NRXN1: variants seen among roughly 807,000 people sequenced by gnomAD.
The protein encoded by NRXN1 is neurexin-1.
NRXN1 carries 39 observed loss-of-function variants against 150.9 expected under a neutral mutation model. The observed-to-expected ratio is 0.26, with a 90% confidence interval of 0.20 to 0.34. NRXN1 has a LOEUF of 0.34. NRXN1 is among the 10% of genes least tolerant of loss of function. NRXN1 has a pLI of 1.00. For synonymous variants in NRXN1, 924 were observed against 757.0 expected, an observed-to-expected ratio of 1.22 and a Z score of -3.62; for missense variants, 1,815 against 1,949.9, an observed-to-expected ratio of 0.93 and a Z score of 1.30.
At chr2:50,811,314 T>C (rs1015500660) in intron 5 of NRXN1, among the ~76,000 whole-genome samples, 3 of 152,146 alleles carry the variant, frequency 2.0e-5, no homozygotes, top group South Asian at 2.1e-4. Context: ...TTTTATCCTA[T>C]TGAAATCATG....
intron 18 of NRXN1, among the ~76,000 whole-genome samples, chr2:50,135,817 G>A (rs1000674298): frequency 6.6e-6 from 1 of 152,198 alleles, no homozygotes; most frequent in African/African-American, 2.4e-5. Flanking sequence ...AGGAGAGAAG[G>A]ATTCGCTAAT....
At chr2:50,622,825 T>G (rs868370865) in intron 6 of NRXN1, among the ~76,000 whole-genome samples, 1 of 152,204 alleles carries the variant, frequency 6.6e-6, no homozygotes, top group African/African-American at 2.4e-5. Flanking sequence ...CCTAAAGAAA[T>G]TTTTCCCCTC....
rs965592793 is a variant in NRXN1, at chr2:50,917,755, C to T, written c.832+4114G>A. 7 of 151,632 alleles carry T rather than the reference C, an allele frequency of 4.6e-5. No homozygotes were observed. The East Asian group carries it at 9.7e-4, about 21-fold the overall frequency. The allele number at this position is 151,632 out of a possible 1,614,324, so 9.4% of individuals were successfully genotyped here. On this transcript the variant is annotated intron_variant, in intron 5 of 22. Coordinates refer to ENST00000401669, the MANE Select transcript of NRXN1 (RefSeq NM_001330078.2). ...TGTCAGCCCTTGGTCTTGGACTTCCCAGCCTCCAGACGTTTGAGAAATAAG... is the reference window on the plus strand; with the variant it reads ...TGTCAGCCCTTGGTCTTGGACTTCCTAGCCTCCAGACGTTTGAGAAATAAG...
At chr2:50,512,694 C>A (rs1315038913) in intron 12 of NRXN1, among the ~76,000 whole-genome samples, 2 of 152,138 alleles carry the variant, frequency 1.3e-5, no homozygotes, top group African/African-American at 4.8e-5. Flanking sequence ...ACCTAATTGT[C>A]TGGCCAAAGT....
chr2:50,906,068 T>C (rs1683627241), intron 5 of NRXN1, among the ~76,000 whole-genome samples: 1 of 152,102 alleles, frequency 6.6e-6, no homozygotes, highest in Admixed American at 6.6e-5. Flanking sequence ...TGGATTCAGA[T>C]TGATGTGGCA....
chr2:51,028,131 G>A lies in NRXN1; in HGVS notation c.143C>T (p.Ala48Val), dbSNP rs1202743952. 11 of 1,564,214 alleles carry A rather than the reference G, an allele frequency of 7.0e-6. No individual in the cohort carries two copies. The highest frequency in any genetic ancestry group is 8.6e-6 in the Non-Finnish European group (10 of 1,157,702). The stretch of plus-strand genomic sequence containing the variant: ...GAAGCTCATCTCGCTCTCGCAGCAG[G>A]CGTTCCACTTGGGGAAGCGCGTCCA... ...GQWTRFPKWN[A>V]CCESEMSFQL... Residue 48 changes from alanine (A) to valine (V), a missense_variant, in exon 2 of 23, where the codon GCC (alanine) becomes GTC (valine). This residue lies in a region of NRXN1 where 554 missense variants were observed against 478.8 expected (regional missense o/e 1.16). Coordinates refer to ENST00000401669, the MANE Select transcript of NRXN1 (RefSeq NM_001330078.2).
At chr2:50,807,269 C>T (rs1667627840) in intron 5 of NRXN1, among the ~76,000 whole-genome samples, 1 of 151,946 alleles carries the variant, frequency 6.6e-6, no homozygotes, top group African/African-American at 2.4e-5. Context: ...TAATTATGAC[C>T]AGGGACAAGT....
At chr2:50,532,396 C>T (rs1391833886) in intron 10 of NRXN1, among the ~76,000 whole-genome samples, 1 of 151,362 alleles carries the variant, frequency 6.6e-6, no homozygotes, top group Non-Finnish European at 1.5e-5. Flanking sequence ...GGAACTAGGC[C>T]AATACTTTAC....
At chr2:50,693,710 C>A (rs547693798) in intron 5 of NRXN1, among the ~76,000 whole-genome samples, 3 of 152,166 alleles carry the variant, frequency 2.0e-5, no homozygotes, top group Non-Finnish European at 4.4e-5. Flanking sequence ...ACTAACTCAA[C>A]TTCAGAAAGT....
chr2:50,865,873 G>A (rs1676867922), intron 5 of NRXN1, among the ~76,000 whole-genome samples: 1 of 150,562 alleles, frequency 6.6e-6, no homozygotes, highest in Non-Finnish European at 1.5e-5. Flanking sequence ...CTGAGAAGGG[G>A]ATCTTACAGA....
At chr2:50,331,498 A>G (rs2076834223) in intron 17 of NRXN1, among the ~76,000 whole-genome samples, 1 of 152,162 alleles carries the variant, frequency 6.6e-6, no homozygotes, top group Admixed American at 6.5e-5. Context: ...GGGATGTTCT[A>G]TTCCATCAAA....
intron 2 of NRXN1, among the ~76,000 whole-genome samples, chr2:51,018,382 G>A (rs377254007): frequency 6.6e-6 from 1 of 152,032 alleles, no homozygotes; most frequent in African/African-American, 2.4e-5. Flanking sequence ...TTTTGAGCGT[G>A]AGTAACTAGA....
At position 49,930,567 on chromosome 2, in the gene NRXN1, C is replaced by T. The variant is rs1387102414; in HGVS notation, c.4217-8316G>A. Reference sequence around the variant, plus strand: ...TTTAAAATAAATAAATTCTCTCAACCGTATATCACATCACAAATTTTAACA... The same window carrying T: ...TTTAAAATAAATAAATTCTCTCAACTGTATATCACATCACAAATTTTAACA... On this transcript the variant is annotated intron_variant, in intron 22 of 22. Coordinates refer to ENST00000401669, the MANE Select transcript of NRXN1 (RefSeq NM_001330078.2). Among the ~76,000 whole-genome samples, 6 of 152,078 alleles carry T rather than the reference C, an allele frequency of 3.9e-5. No individual in the cohort carries two copies. In the South Asian group the frequency reaches 6.2e-4, roughly 16 times the overall value.
At chr2:50,239,163 T>C (rs1055941812) in intron 17 of NRXN1, among the ~76,000 whole-genome samples, 2 of 151,926 alleles carry the variant, frequency 1.3e-5, no homozygotes, top group African/African-American at 4.8e-5. Flanking sequence ...TTTTTGCAAA[T>C]GATTAAGTAT....
At chr2:50,314,104 G>C (rs2075397644) in intron 17 of NRXN1, among the ~76,000 whole-genome samples, 1 of 152,098 alleles carries the variant, frequency 6.6e-6, no homozygotes, top group Non-Finnish European at 1.5e-5. Flanking sequence ...CTTCAGAATA[G>C]GTAGATTCTG....
chr2:50,055,994 T>C (rs1384246399), intron 19 of NRXN1, among the ~76,000 whole-genome samples: 2 of 152,058 alleles, frequency 1.3e-5, no homozygotes, highest in African/African-American at 4.8e-5. Context: ...GATGAGTGTT[T>C]TCTTGATCTG....
At chr2:50,515,934 A>G (rs2105080728) in intron 12 of NRXN1, among the ~76,000 whole-genome samples, 1 of 152,254 alleles carries the variant, frequency 6.6e-6, no homozygotes, top group African/African-American at 2.4e-5. Flanking sequence ...CCTTCAGCCT[A>G]CTATTTGACT....
intron 17 of NRXN1, among the ~76,000 whole-genome samples, chr2:50,315,471 C>T (rs1443580953): frequency 6.6e-6 from 1 of 152,126 alleles, no homozygotes; most frequent in African/African-American, 2.4e-5. Context: ...GCTCTTTGCT[C>T]ACAGTTACAT....
At chr2:50,845,525 A>G (rs1024327576) in intron 5 of NRXN1, among the ~76,000 whole-genome samples, 1 of 152,164 alleles carries the variant, frequency 6.6e-6, no homozygotes, top group East Asian at 1.9e-4. Flanking sequence ...GGCGTTTTTC[A>G]CCATCTGAAA....
Sources: allele counts gnomAD v4.1 joint callset (sites outside exome capture counted in the v4.1 genomes callset), GRCh38; gene constraint gnomAD v4.1.1; regional missense constraint gnomAD v4.1.1; transcripts MANE v1.5; gene names NCBI Gene and HGNC (gene_info 2026-07-23, HGNC 2026-07-21).